The following LAMA2 variants were observed in gnomAD, a reference collection of about 807,000 sequenced individuals.
LAMA2 encodes laminin subunit alpha 2.
A neutral mutation model predicts 364.8 loss-of-function variants in LAMA2; 269 were observed. That is an observed-to-expected ratio of 0.74 (90% confidence interval 0.67 to 0.82). LAMA2 has a LOEUF of 0.82. Among genes scored for constraint, LAMA2 ranks in the 40% least tolerant of loss-of-function variants. The probability of loss-of-function intolerance (pLI) is 0.00; values close to 1 mark genes in which losing one functional copy is unlikely to be tolerated. For missense variants in LAMA2, 3,807 were observed against 3,873.2 expected, an observed-to-expected ratio of 0.98 and a Z score of 0.45; for synonymous variants, 1,379 against 1,370.6, an observed-to-expected ratio of 1.01 and a Z score of -0.14.
intron 1 of LAMA2, among the ~76,000 whole-genome samples, chr6:128,886,761 G>A (rs1465223691): frequency 6.6e-6 from 1 of 152,158 alleles, no homozygotes; most frequent in Non-Finnish European, 1.5e-5. Context: ...TTATAATATG[G>A]AGAAAATAGC....
chr6:128,935,553 G>A (rs1016182145), intron 1 of LAMA2, among the ~76,000 whole-genome samples: 1 of 152,094 alleles, frequency 6.6e-6, no homozygotes, highest in African/African-American at 2.4e-5. Context: ...ATAGTAGCAT[G>A]ATTTATAATC....
At chr6:129,051,505 T>C (rs924379809) in intron 2 of LAMA2, among the ~76,000 whole-genome samples, 1 of 147,336 alleles carries the variant, frequency 6.8e-6, no homozygotes, top group Non-Finnish European at 1.5e-5. Flanking sequence ...AGAAATGGGG[T>C]TTTACCATGT....
chr6:128,897,892 G>A (rs1332214870), intron 1 of LAMA2, among the ~76,000 whole-genome samples: 1 of 152,088 alleles, frequency 6.6e-6, no homozygotes, highest in East Asian at 1.9e-4. Context: ...CAGCAGTGTG[G>A]GCACAAAGCA....
chr6:129,385,820 A>C (rs1778984039), intron 35 of LAMA2, among the ~76,000 whole-genome samples: 1 of 152,194 alleles, frequency 6.6e-6, no homozygotes, highest in African/African-American at 2.4e-5. Context: ...TTCTCAGATC[A>C]GAGTATTACT....
intron 52 of LAMA2, among the ~76,000 whole-genome samples, chr6:129,474,716 A>G (rs1562597076): frequency 6.6e-6 from 1 of 152,204 alleles, no homozygotes; most frequent in Non-Finnish European, 1.5e-5. Flanking sequence ...ATTATCATAA[A>G]ATAATTTTTA....
intron 31 of LAMA2, among the ~76,000 whole-genome samples, chr6:129,349,936 A>C (rs1277359629): frequency 6.6e-6 from 1 of 152,142 alleles, no homozygotes; most frequent in Non-Finnish European, 1.5e-5. Context: ...TATTATTTAA[A>C]TGTTTTCTCT....
At chr6:129,407,149 G>A (rs1780287223) in intron 40 of LAMA2, among the ~76,000 whole-genome samples, 1 of 152,106 alleles carries the variant, frequency 6.6e-6, no homozygotes, top group Non-Finnish European at 1.5e-5. Context: ...GGGTGGGTCT[G>A]CCTCTTCCAG....
intron 1 of LAMA2, among the ~76,000 whole-genome samples, chr6:128,910,966 G>A (rs1777888103): frequency 6.6e-6 from 1 of 151,254 alleles, no homozygotes; most frequent in South Asian, 2.1e-4. Flanking sequence ...AGGGGTCAGG[G>A]ACCCACTTGA....
intron 2 of LAMA2, among the ~76,000 whole-genome samples, chr6:129,053,056 A>C (rs1378921008): frequency 6.6e-6 from 1 of 152,082 alleles, no homozygotes; most frequent in Non-Finnish European, 1.5e-5. Context: ...ACTCTGGTTA[A>C]TTTCTTTCTT....
At chr6:129,014,453 C>T (rs9398892) in intron 1 of LAMA2, among the ~76,000 whole-genome samples, 87,049 of 151,966 alleles carry the variant, frequency 0.57, 28,864 homozygotes, top group East Asian at 0.96. Context: ...AGCATTTAGT[C>T]ATTTCAAGCT....
intron 1 of LAMA2, among the ~76,000 whole-genome samples, chr6:128,974,038 T>A (rs1171611008): frequency 6.6e-6 from 1 of 152,216 alleles, no homozygotes; most frequent in Non-Finnish European, 1.5e-5. Flanking sequence ...ACTGACCTAG[T>A]GCACCATTTA....
chr6:129,213,917 G>C (rs771639611), intron 12 of LAMA2, among the ~76,000 whole-genome samples: 1 of 152,104 alleles, frequency 6.6e-6, no homozygotes, highest in East Asian at 1.9e-4. Context: ...TATATATAAA[G>C]AGTTACTGCA....
chr6:129,434,328 C>CCTG (rs1365800542), intron 41 of LAMA2, among the ~76,000 whole-genome samples: 1 of 152,120 alleles, frequency 6.6e-6, no homozygotes, highest in Non-Finnish European at 1.5e-5. Flanking sequence ...CATTGTGAGT[C>CCTG]CTGCTTTTGC....
intron 38 of LAMA2, among the ~76,000 whole-genome samples, chr6:129,401,747 C>G (rs1779985881): frequency 6.6e-6 from 1 of 152,094 alleles, no homozygotes; most frequent in Non-Finnish European, 1.5e-5. Context: ...TGCAAATGGC[C>G]TAAGAGATCC....
intron 29 of LAMA2, among the ~76,000 whole-genome samples, chr6:129,341,451 C>T (rs1315408788): frequency 1.3e-5 from 2 of 152,174 alleles, no homozygotes; most frequent in Non-Finnish European, 2.9e-5. Context: ...TCCCTTCTTC[C>T]TTTTTCTCAA....
chr6:129,468,408 G>A (rs1490706276), intron 51 of LAMA2, among the ~76,000 whole-genome samples: 1 of 151,556 alleles, frequency 6.6e-6, no homozygotes, highest in Non-Finnish European at 1.5e-5. Flanking sequence ...TTTTCCACAT[G>A]TCTTCTCATA....
intron 12 of LAMA2, among the ~76,000 whole-genome samples, chr6:129,226,260 C>T (rs1198263255): frequency 6.6e-6 from 1 of 152,158 alleles, no homozygotes; most frequent in Admixed American, 6.5e-5. Flanking sequence ...TTGAATACAG[C>T]ACACTGATGG....
chr6:129,025,015 A>C, intron 1 of LAMA2, among the ~76,000 whole-genome samples: 1 of 152,330 alleles, frequency 6.6e-6, no homozygotes, highest in East Asian at 1.9e-4. Context: ...AGAAAATTTA[A>C]AAATTAACTT....
intron 22 of LAMA2, among the ~76,000 whole-genome samples, chr6:129,304,195 G>T (rs1368125224): frequency 6.6e-6 from 1 of 152,110 alleles, no homozygotes; most frequent in Non-Finnish European, 1.5e-5. Flanking sequence ...GTGATAACTT[G>T]CATGAAAAGA....
Sources: gnomAD v4.1 joint callset for allele counts (sites outside exome capture counted in the v4.1 genomes callset) on GRCh38, gnomAD v4.1.1 for gene constraint, MANE v1.5 for transcripts, NCBI Gene and HGNC (gene_info 2026-07-23, HGNC 2026-07-21) for gene names.